Variants in UGT1A10 observed in about 807,000 individuals in gnomAD.
UGT1A10 encodes UDP-glucuronosyltransferase 1A10.
Under a neutral mutation model 45.8 loss-of-function variants are expected in UGT1A10, and 49 were observed. That is an observed-to-expected ratio of 1.07 (90% CI 0.85 to 1.36). The LOEUF is 1.36. Ranked by LOEUF, UGT1A10 falls within the 40% of genes most tolerant of loss-of-function variation. The pLI is 0.00. For synonymous variants in UGT1A10, 284 were observed against 249.7 expected, an observed-to-expected ratio of 1.14 and a Z score of -1.29; for missense variants, 745 against 668.6, an observed-to-expected ratio of 1.11 and a Z score of -1.26.
chr2:233,672,357 T>G lies in UGT1A10; in HGVS notation c.855+34980T>G, dbSNP rs138301590. 7.0e-4 allele frequency: 1,134 copies of G among 1,614,202 alleles called. 3 individuals carry two copies. Among genetic ancestry groups the G allele is most frequent in the Admixed American group, 2.4e-3 (146 of 60,022 alleles). ...TAGTAGAATACTTAAAGGAGAGTTCTTTTGATGCAGTGTTTCTCGATCCTT... is the reference window on the plus strand; with the variant it reads ...TAGTAGAATACTTAAAGGAGAGTTCGTTTGATGCAGTGTTTCTCGATCCTT... On this transcript the variant is annotated intron_variant, in intron 1 of 4. Transcript: ENST00000344644.
chr2:233,768,192 CT>C, intron 3 of UGT1A10, 27 bp from the exon 4 acceptor site: 1 of 1,614,080 alleles, frequency 6.2e-7, no homozygotes, highest in Non-Finnish European at 8.5e-7. Context: ...GATGTAACTG[CT>C]GACATCCTCC....
At chr2:233,738,971 TG>T (rs2125819893) in intron 1 of UGT1A10, 1 of 152,378 alleles carries the variant, frequency 6.6e-6, no homozygotes, top group Admixed American at 6.5e-5. Context: ...CCCCCACTGC[TG>T]TGTGCAGCCT....
At chr2:233,710,053 C>T (rs1449655708) in intron 1 of UGT1A10, among the ~76,000 whole-genome samples, 1 of 152,168 alleles carries the variant, frequency 6.6e-6, no homozygotes, top group Non-Finnish European at 1.5e-5. Context: ...CTCTTTGGCT[C>T]GGCATAATGT....
At chr2:233,768,058 CTT>C in intron 3 of UGT1A10, 122 bp downstream of exon 3, 1 of 1,601,872 alleles carries the variant, frequency 6.2e-7, no homozygotes, top group East Asian at 2.2e-5. Context: ...TCCTACATTG[CTT>C]TTTATCTAGT....
chr2:233,760,032 T>C (rs1193675988), intron 1 of UGT1A10, among the ~76,000 whole-genome samples: 1 of 152,208 alleles, frequency 6.6e-6, no homozygotes, highest in Non-Finnish European at 1.5e-5. Context: ...GTTCTGGAAG[T>C]ACTTTGCTGT....
At chr2:233,672,085 A>C (rs1250541638) in intron 1 of UGT1A10, 1 of 1,614,142 alleles carries the variant, frequency 6.2e-7, no homozygotes. Context: ...ACTCATTCTC[A>C]GGGGGCATGA....
intron 1 of UGT1A10, among the ~76,000 whole-genome samples, chr2:233,705,253 T>C (rs2075835852): frequency 6.6e-6 from 1 of 152,224 alleles, no homozygotes; most frequent in Admixed American, 6.5e-5. Flanking sequence ...TTCAGATTAT[T>C]CTATGGGGTC....
At position 233,738,264 on chromosome 2, in the gene UGT1A10, G is replaced by A. The variant is rs569089300; in HGVS notation, c.856-28770G>A. 5.9e-5 allele frequency among the ~76,000 whole-genome samples: 9 copies of A among 152,250 alleles called. No individual in the cohort carries two copies. The East Asian group carries it at 1.7e-3, about 29-fold the overall frequency. On this transcript the variant is annotated intron_variant, in intron 1 of 4. Transcript: ENST00000344644. ...CCACATGGAACTGGAGTCAATTAAA[G>A]CTCTTTCCTTTATAAATTACCCAGT...
intron 1 of UGT1A10, among the ~76,000 whole-genome samples, chr2:233,734,931 C>A (rs921627257): frequency 5.3e-5 from 8 of 152,162 alleles, no homozygotes; most frequent in African/African-American, 1.7e-4. Context: ...GCTTTACTTA[C>A]AATCATATGG....
chr2:233,740,214 A>G (rs2018985), intron 1 of UGT1A10, among the ~76,000 whole-genome samples: 70,303 of 151,600 alleles, frequency 0.46, 18,208 homozygotes, highest in African/African-American at 0.69. Flanking sequence ...ACCCAGTCTC[A>G]GCTGCGTCTT....
chr2:233,707,812 G>A lies in UGT1A10; in HGVS notation c.856-59222G>A, dbSNP rs998296659. On this transcript the variant is annotated intron_variant, in intron 1 of 4. Transcript: ENST00000344644. ...GGGTGGAGCTGCTGCGTTGGAGGGC[G>A]TGCATATCATTAATTTAATAAGATG... Among the ~76,000 whole-genome samples, 10 of 152,234 alleles carry A rather than the reference G, an allele frequency of 6.6e-5. No homozygotes were observed. In the Middle Eastern group the frequency reaches 0.01, roughly 155 times the overall value.
intron 1 of UGT1A10, among the ~76,000 whole-genome samples, chr2:233,731,868 C>A (rs576370414): frequency 3.2e-4 from 49 of 152,324 alleles, no homozygotes; most frequent in African/African-American, 1.1e-3. Context: ...ACACTGTCTT[C>A]CACAATGGTT....
chr2:233,650,875 G>A (rs1421738344), intron 1 of UGT1A10, among the ~76,000 whole-genome samples: 1 of 152,108 alleles, frequency 6.6e-6, no homozygotes, highest in Non-Finnish European at 1.5e-5. Flanking sequence ...TTCATGAATT[G>A]TTTGATGATC....
intron 1 of UGT1A10, among the ~76,000 whole-genome samples, chr2:233,673,405 C>T (rs2602376): frequency 0.22 from 32,911 of 152,040 alleles, 4,580 homozygotes; most frequent in South Asian, 0.33. Flanking sequence ...AGGCATTTTG[C>T]ATTTTTTGTC....
At chr2:233,731,284 C>CTTTTTTTTT (rs78127606) in intron 1 of UGT1A10, among the ~76,000 whole-genome samples, 1 of 139,768 alleles carries the variant, frequency 7.2e-6, no homozygotes. Flanking sequence ...GTTTTTCTTT[C>CTTTTTTTTT]TTTTTTTTTT....
chr2:233,707,007 A>G (rs1281563628), intron 1 of UGT1A10, among the ~76,000 whole-genome samples: 1 of 152,176 alleles, frequency 6.6e-6, no homozygotes, highest in African/African-American at 2.4e-5. Context: ...ACAGGAACCT[A>G]GGATCCATGG....
chr2:233,747,689 A>G lies in UGT1A10; in HGVS notation c.856-19345A>G, dbSNP rs552388790. The stretch of plus-strand genomic sequence containing the variant: ...TAGACCCAATTTACCTCTGTGGGGC[A>G]GTGCTGGCTAAGTACCTATCAATTC... On this transcript the variant is annotated intron_variant, in intron 1 of 4. Transcript: ENST00000344644. 1.1e-5 allele frequency: 18 copies of G among 1,609,782 alleles called. No homozygotes were observed. In the Middle Eastern group the frequency reaches 5.0e-4, roughly 44 times the overall value.
At chr2:233,661,285 A>G (rs2073958731) in intron 1 of UGT1A10, among the ~76,000 whole-genome samples, 1 of 152,052 alleles carries the variant, frequency 6.6e-6, no homozygotes, top group African/African-American at 2.4e-5. Context: ...ATGAGGCTGT[A>G]AAGAACTTAT....
intron 1 of UGT1A10, among the ~76,000 whole-genome samples, chr2:233,641,822 G>A (rs1338122958): frequency 6.6e-6 from 1 of 151,950 alleles, no homozygotes; most frequent in Non-Finnish European, 1.5e-5. Flanking sequence ...CTTTAAATAT[G>A]TCATGCCACT....
Sources: allele counts gnomAD v4.1 joint callset (sites outside exome capture counted in the v4.1 genomes callset), GRCh38; gene constraint gnomAD v4.1.1; transcripts MANE v1.5; gene names NCBI Gene and HGNC (gene_info 2026-07-23, HGNC 2026-07-21).